The following HS6ST2 variants were observed in gnomAD, a reference collection of about 807,000 sequenced individuals.
HS6ST2 encodes heparan-sulfate 6-O-sulfotransferase 2.
A neutral mutation model predicts 33.0 loss-of-function variants in HS6ST2; 17 were observed. The ratio of observed to expected loss-of-function variants is 0.52; its 90% CI spans 0.35 to 0.77. The LOEUF (loss-of-function observed/expected upper bound fraction) is 0.77, where lower values mean the gene tolerates loss of function less well. HS6ST2 is among the 30% of genes least tolerant of loss of function. HS6ST2 has a pLI of 0.01. For missense variants in HS6ST2, 519 were observed against 551.7 expected (o/e 0.94, Z 0.59); for synonymous variants, 248 against 237.1 (o/e 1.05, Z -0.42).
At chrX:132,960,794 A>T, upstream of HS6ST2, among the ~76,000 whole-genome samples, 1 of 111,904 alleles carries the variant, frequency 8.9e-6, no homozygotes, top group Non-Finnish European at 1.9e-5. Context: ...GCTGTGAGGA[A>T]CAAAGAAATG....
intron 4 of HS6ST2, 90 bp downstream of exon 4, chrX:132,669,023 G>T: frequency 1.7e-6 from 1 of 578,744 alleles, no homozygotes; most frequent in Non-Finnish European, 2.8e-6. Flanking sequence ...ACAAATCTTT[G>T]TTGAATGAAT....
At chrX:132,898,596 C>T (rs970022878) in intron 2 of HS6ST2, among the ~76,000 whole-genome samples, 2 of 109,725 alleles carry the variant, frequency 1.8e-5, no homozygotes, top group Non-Finnish European at 3.8e-5. Context: ...AGACACTAGA[C>T]AACAGTCAGT....
intron 2 of HS6ST2, among the ~76,000 whole-genome samples, chrX:132,890,208 A>C (rs1318170554): frequency 1.8e-5 from 2 of 109,924 alleles, no homozygotes; most frequent in Non-Finnish European, 3.8e-5. Context: ...ATCTATCACT[A>C]TTATTATTAG....
chrX:132,814,176 C>T (rs2065375993), intron 2 of HS6ST2, among the ~76,000 whole-genome samples: 1 of 111,837 alleles, frequency 8.9e-6, no homozygotes, highest in Non-Finnish European at 1.9e-5. Context: ...GAACTCCTGA[C>T]CTTGTGATCC....
intron 2 of HS6ST2, among the ~76,000 whole-genome samples, chrX:132,848,489 C>T (rs898426676): frequency 8.9e-6 from 1 of 112,414 alleles, no homozygotes; most frequent in Non-Finnish European, 1.9e-5. Flanking sequence ...CAGGGTGGTG[C>T]CTTCTACTTT....
chrX:132,741,118 G>A (rs888061895), intron 2 of HS6ST2, among the ~76,000 whole-genome samples: 5 of 111,401 alleles, frequency 4.5e-5, no homozygotes, highest in African/African-American at 1.6e-4. Flanking sequence ...TGCTGCTCTT[G>A]CACTATGGGA....
chrX:132,830,705 T>C (rs1489496706), intron 2 of HS6ST2, among the ~76,000 whole-genome samples: 1 of 111,803 alleles, frequency 8.9e-6, no homozygotes, highest in Non-Finnish European at 1.9e-5. Context: ...GCCAAAACCG[T>C]TAGAAAGAGC....
At chrX:132,926,001 C>T (rs1258733736) in intron 2 of HS6ST2, among the ~76,000 whole-genome samples, 1 of 111,874 alleles carries the variant, frequency 8.9e-6, no homozygotes, top group African/African-American at 3.2e-5. Flanking sequence ...ATCATGTGAA[C>T]TCAAGTCTGT....
intron 2 of HS6ST2, among the ~76,000 whole-genome samples, chrX:132,896,860 G>C (rs1310319918): frequency 1.8e-5 from 2 of 111,843 alleles, no homozygotes; most frequent in Admixed American, 1.9e-4. Flanking sequence ...ATGAATATAG[G>C]GGTGCTATGT....
At chrX:132,930,593 C>T (rs2066758554) in intron 2 of HS6ST2, among the ~76,000 whole-genome samples, 1 of 110,858 alleles carries the variant, frequency 9.0e-6, no homozygotes, top group Non-Finnish European at 1.9e-5. Context: ...GCCTGTTAGT[C>T]CCCATGGACC....
At chrX:132,807,051 T>G (rs2065290619) in intron 2 of HS6ST2, among the ~76,000 whole-genome samples, 1 of 110,248 alleles carries the variant, frequency 9.1e-6, no homozygotes, top group African/African-American at 3.3e-5. Flanking sequence ...TACTAAGTAT[T>G]AGGTTGGTGC....
rs956665893 is a variant in HS6ST2, at chrX:132,636,140, A to C, written c.1068-7047T>G. Among the ~76,000 whole-genome samples, 10 of 111,754 alleles carry C rather than the reference A, an allele frequency of 8.9e-5. No individual in the cohort carries two copies. In the East Asian group the frequency reaches 2.8e-3, roughly 32 times the overall value. ...GGGTAAGAACCATGTATCTATCCTC[A>C]GGGCCTAGCACAATGTTTGACATAA... On this transcript the variant is annotated intron_variant, in intron 4 of 4. Coordinates refer to ENST00000370833, the MANE Select transcript of HS6ST2 (RefSeq NM_001394073.1).
At position 132,958,268 on chromosome X, in the gene HS6ST2, C is replaced by G; in HGVS notation, c.335G>C (p.Arg112Pro). ...GGCCAGGCCCCGAGTGAGCAGGGCC[C>G]GGCAGAGGGAGCCCAGGTCCCAGCG... ...RRRWDLGSLC[R>P]ALLTRGLAAL... Residue 112 changes from arginine (R) to proline (P), a missense_variant, in exon 1 of 5, where the codon CGG (arginine) becomes CCG (proline). Physicochemically the swap from Arg to Pro is moderately radical, Grantham distance 103. Coordinates refer to ENST00000370833, the MANE Select transcript of HS6ST2 (RefSeq NM_001394073.1). The G allele has an allele frequency of 8.4e-7, 1 of 1,189,667 alleles. No homozygotes were observed. The highest frequency in any genetic ancestry group is 1.1e-6 in the Non-Finnish European group (1 of 889,756).
chrX:132,955,060 G>A (rs2067054360), intron 2 of HS6ST2, among the ~76,000 whole-genome samples: 2 of 112,232 alleles, frequency 1.8e-5, no homozygotes, highest in African/African-American at 6.5e-5. Context: ...CCAAGACCTT[G>A]TTTTCACTTC....
chrX:132,960,210 C>A (rs1305406476), upstream of HS6ST2, among the ~76,000 whole-genome samples: 2 of 111,528 alleles, frequency 1.8e-5, no homozygotes, highest in African/African-American at 6.5e-5. Context: ...CCTAGGCCTG[C>A]TCCCCCTGAG....
chrX:132,824,530 G>A, intron 2 of HS6ST2, among the ~76,000 whole-genome samples: 1 of 112,552 alleles, frequency 8.9e-6, no homozygotes, highest in East Asian at 2.8e-4. Flanking sequence ...TTTGAGGCCA[G>A]ACTTAGAGGG....
chrX:132,892,581 G>A (rs949439084), intron 2 of HS6ST2, among the ~76,000 whole-genome samples: 9 of 112,447 alleles, frequency 8.0e-5, no homozygotes, highest in Non-Finnish European at 1.7e-4. Context: ...CATTTTGGGA[G>A]GCCAAAGCAG....
intron 2 of HS6ST2, among the ~76,000 whole-genome samples, chrX:132,954,021 C>A (rs2067042101): frequency 8.9e-6 from 1 of 112,189 alleles, no homozygotes; most frequent in Non-Finnish European, 1.9e-5. Context: ...CTCAGTGACC[C>A]CGGGGAAGCC....
chrX:132,948,602 A>G (rs984951683), intron 2 of HS6ST2, among the ~76,000 whole-genome samples: 5 of 112,487 alleles, frequency 4.4e-5, no homozygotes, highest in Non-Finnish European at 7.5e-5. Flanking sequence ...AAAATGGCAG[A>G]AATAACAAAT....
Sources: allele counts gnomAD v4.1 joint callset (sites outside exome capture counted in the v4.1 genomes callset), GRCh38; gene constraint gnomAD v4.1.1; transcripts MANE v1.5; gene names NCBI Gene and HGNC (gene_info 2026-07-23, HGNC 2026-07-21).